Variants in ADIPOR2 observed in about 807,000 individuals in gnomAD.
The protein encoded by ADIPOR2 is adiponectin receptor protein 2.
A neutral mutation model predicts 40.9 loss-of-function variants in ADIPOR2; 18 were observed. That is an observed-to-expected ratio of 0.44 (90% CI 0.30 to 0.65). ADIPOR2 has a LOEUF of 0.65. Among genes scored for constraint, ADIPOR2 ranks in the 30% least tolerant of loss-of-function variants. The pLI is 0.09. For synonymous variants in ADIPOR2, 165 were observed against 166.4 expected (o/e 0.99, Z 0.06); for missense variants, 283 against 479.2 (o/e 0.59, Z 3.82).
chr12:1,750,118 T>C (rs909284768), intron 1 of ADIPOR2, among the ~76,000 whole-genome samples: 33 of 152,252 alleles, frequency 2.2e-4, no homozygotes, highest in African/African-American at 7.0e-4. Context: ...TTCTGATTTA[T>C]TTCATCAGCA....
intron 1 of ADIPOR2, among the ~76,000 whole-genome samples, chr12:1,707,523 G>A (rs2094665913): frequency 1.3e-5 from 2 of 151,976 alleles, no homozygotes; most frequent in Admixed American, 1.3e-4. Context: ...TGTCCAGGTT[G>A]ATGTGATCCT....
chr12:1,735,118 C>T (rs964342032), intron 1 of ADIPOR2, among the ~76,000 whole-genome samples: 16 of 152,160 alleles, frequency 1.1e-4, no homozygotes, highest in African/African-American at 2.9e-4. Context: ...GTAGTTTTTT[C>T]GAATTCTGTG....
intron 2 of ADIPOR2, among the ~76,000 whole-genome samples, chr12:1,768,729 A>G (rs535840149): frequency 8.5e-5 from 13 of 152,262 alleles, no homozygotes; most frequent in Admixed American, 2.6e-4. Context: ...CTCATTTTAG[A>G]TTGCAGTTTG....
chr12:1,712,515 G>A (rs1020014195), intron 1 of ADIPOR2, among the ~76,000 whole-genome samples: 26 of 152,066 alleles, frequency 1.7e-4, no homozygotes, highest in African/African-American at 5.3e-4. Context: ...GGGTTGTCCC[G>A]TGAGTCTGAG....
At chr12:1,748,955 A>T (rs2094763052) in intron 1 of ADIPOR2, among the ~76,000 whole-genome samples, 1 of 151,978 alleles carries the variant, frequency 6.6e-6, no homozygotes, top group African/African-American at 2.4e-5. Flanking sequence ...CTACTCCCCT[A>T]ACACACACAC....
At chr12:1,699,955 A>G (rs1205774153) in intron 1 of ADIPOR2, among the ~76,000 whole-genome samples, 1 of 152,236 alleles carries the variant, frequency 6.6e-6, no homozygotes. Context: ...AAGTGTCCAG[A>G]CAGAAGGAAA....
intron 1 of ADIPOR2, among the ~76,000 whole-genome samples, chr12:1,735,805 G>A (rs908714722): frequency 7.9e-5 from 12 of 152,256 alleles, no homozygotes; most frequent in South Asian, 2.1e-4. Flanking sequence ...TTAGCATGAA[G>A]CATTGTTGAA....
At chr12:1,702,521 T>A (rs570034301) in intron 1 of ADIPOR2, among the ~76,000 whole-genome samples, 1 of 152,322 alleles carries the variant, frequency 6.6e-6, no homozygotes, top group South Asian at 2.1e-4. Flanking sequence ...CACATTGTCT[T>A]AATTTTTATT....
chr12:1,762,092 G>C (rs1003726440), intron 2 of ADIPOR2, among the ~76,000 whole-genome samples: 1 of 152,156 alleles, frequency 6.6e-6, no homozygotes, highest in African/African-American at 2.4e-5. Context: ...GCTCTTTCCA[G>C]CTTCAGAGCC....
At chr12:1,744,027 C>T (rs1419795374) in intron 1 of ADIPOR2, among the ~76,000 whole-genome samples, 2 of 152,014 alleles carry the variant, frequency 1.3e-5, no homozygotes, top group South Asian at 2.1e-4. Flanking sequence ...ATAGGATGGT[C>T]CTTATCTGAA....
At chr12:1,730,988 C>A (rs549330107) in intron 1 of ADIPOR2, 1 of 152,256 alleles carries the variant, frequency 6.6e-6, no homozygotes, top group Admixed American at 6.5e-5. Flanking sequence ...CTTGTTTATA[C>A]TGCATATATG....
intron 1 of ADIPOR2, among the ~76,000 whole-genome samples, chr12:1,752,187 C>T (rs543573823): frequency 1.2e-3 from 174 of 148,100 alleles, no homozygotes; most frequent in African/African-American, 3.9e-3. Flanking sequence ...TCTCGGCCCC[C>T]CAAAGTGCTG....
chr12:1,730,765 C>G (rs1266142899), intron 1 of ADIPOR2: 1 of 152,072 alleles, frequency 6.6e-6, no homozygotes, highest in Non-Finnish European at 1.5e-5. Flanking sequence ...AGCACCTCTA[C>G]TAAGAGAAGC....
chr12:1,706,703 C>A (rs1197962663), intron 1 of ADIPOR2, among the ~76,000 whole-genome samples: 1 of 152,198 alleles, frequency 6.6e-6, no homozygotes, highest in East Asian at 1.9e-4. Context: ...TCACCCTAAT[C>A]AAGGTAATGG....
At chr12:1,728,958 G>GTTTT (rs66842156) in intron 1 of ADIPOR2, among the ~76,000 whole-genome samples, 20 of 109,992 alleles carry the variant, frequency 1.8e-4, no homozygotes, top group East Asian at 1.1e-3. Flanking sequence ...GTTCTGGACT[G>GTTTT]TTTTTTTTTT....
In ADIPOR2 at chr12:1,781,089, G is replaced by A. The variant is rs1310661250; in HGVS notation, c.838+13G>A. 1 of 1,561,802 alleles carries A rather than the reference G, an allele frequency of 6.4e-7. No individual in the cohort carries two copies. The highest frequency in any genetic ancestry group is 8.6e-7 in the Non-Finnish European group (1 of 1,157,204). On this transcript the variant is annotated intron_variant, in intron 6 of 7. Transcript: ENST00000357103. The stretch of plus-strand genomic sequence containing the variant: ...GGAGTAAGAGCAGGTAAGAGCACGG[G>A]GAGGTTCTACATTCGACATTCATTT...
At chr12:1,697,412 A>T (rs1325659112) in intron 1 of ADIPOR2, 1 of 153,030 alleles carries the variant, frequency 6.5e-6, no homozygotes, top group Non-Finnish European at 1.5e-5. Flanking sequence ...CCTAGGAAGA[A>T]TGTCAAGGTG....
chr12:1,699,561 T>C (rs1464440691), intron 1 of ADIPOR2, among the ~76,000 whole-genome samples: 26 of 152,154 alleles, frequency 1.7e-4, no homozygotes. Flanking sequence ...CGAGGCAGGA[T>C]AATCACTTGA....
chr12:1,696,299 T>G, intron 1 of ADIPOR2: 1 of 164,852 alleles, frequency 6.1e-6, no homozygotes, highest in Non-Finnish European at 1.4e-5. Context: ...TGTCAACAGA[T>G]TCACCAGCAG....
Sources: gnomAD v4.1 joint callset for allele counts (sites outside exome capture counted in the v4.1 genomes callset) on GRCh38, gnomAD v4.1.1 for gene constraint, MANE v1.5 for transcripts, NCBI Gene and HGNC (gene_info 2026-07-23, HGNC 2026-07-21) for gene names.